LCE1C: variants seen among roughly 807,000 people sequenced by gnomAD.
LCE1C encodes late cornified envelope protein 1C.
LCE1C carries 1 observed loss-of-function variant against 0.7 expected under a neutral mutation model. That is an observed-to-expected ratio of 1.44 (90% CI 0.51 to 6.83). The LOEUF (loss-of-function observed/expected upper bound fraction) is 6.83. Ranked by LOEUF, LCE1C falls within the 30% of genes most tolerant of loss-of-function variation. LCE1C has a pLI of 0.14. For missense variants in LCE1C, 136 were observed against 149.6 expected (o/e 0.91, Z 0.48); for synonymous variants, 72 against 57.9 (o/e 1.24, Z -1.10).
At chr1:152,805,713 G>A (rs1462989845) in intron 1 of LCE1C, among the ~76,000 whole-genome samples, 1 of 152,122 alleles carries the variant, frequency 6.6e-6, no homozygotes, top group Non-Finnish European at 1.5e-5. Context: ...AGACAGTCAA[G>A]AATTACTATA....
chr1:152,804,950 G>A lies in LCE1C; in HGVS notation c.*172C>T. ...AGGTGAGGTCCAAGGCCAGTGAATG[G>A]AGATCCAGGAGAGGATCTGAGTTTC... is the stretch of plus-strand genomic sequence containing the variant. On this transcript the variant is annotated 3_prime_UTR_variant, in exon 2 of 2. Coordinates refer to ENST00000607093, the MANE Select transcript of LCE1C (RefSeq NM_178351.4). The A allele has an allele frequency of 2.4e-6, 2 of 820,170 alleles. No homozygotes were observed. Among genetic ancestry groups the A allele is most frequent in the Non-Finnish European group, 3.9e-6 (2 of 509,526 alleles). The allele number at this position is 820,170 out of a possible 1,614,324, so 50.8% of individuals were successfully genotyped here.
At chr1:152,806,039 A>G (rs1282670168) in intron 1 of LCE1C, among the ~76,000 whole-genome samples, 2 of 152,178 alleles carry the variant, frequency 1.3e-5, no homozygotes, top group Non-Finnish European at 2.9e-5. Flanking sequence ...TTTTTGGTGC[A>G]TAGAGGGGAT....
Position 152,804,912 on chromosome 1 carries a change from AG to A in LCE1C, c.*209del. On this transcript the variant is annotated 3_prime_UTR_variant, in exon 2 of 2. Transcript: ENST00000607093. ...GCTAGGGGCTTAGACAGAGCGTGGG[AG>A]GGTAGCCACAAAGGTGAGGTCCAAG... 1.6e-6 allele frequency: 1 copy of A among 637,586 alleles called. No homozygotes were observed. The highest frequency in any genetic ancestry group is 2.7e-6 in the Non-Finnish European group (1 of 365,294). The allele number at this position is 637,586 out of a possible 1,614,324, so 39.5% of individuals were successfully genotyped here.
chr1:152,805,368 G>C lies in LCE1C; in HGVS notation c.111C>G (p.Cys37Trp), dbSNP rs760599633. 5 of 1,613,668 alleles carry C rather than the reference G, an allele frequency of 3.1e-6. No individual in the cohort carries two copies. Among genetic ancestry groups the C allele is most frequent in the Middle Eastern group, 1.7e-4 (1 of 6,056 alleles). ...PKCPPKCPPK[C>W]PPVSSCCSVS... is the part of the protein sequence containing the mutation. The stretch of plus-strand genomic sequence containing the variant: ...CACTGCAGCAGGAAGAGACAGGAGG[G>C]CACTTAGGGGGACACTTTGGGGGAC... Residue 37 changes from cysteine (C) to tryptophan (W), a missense_variant, in exon 2 of 2, where the codon TGC (cysteine) becomes TGG (tryptophan). Transcript: ENST00000607093.
intron 1 of LCE1C, 36 bp from the exon 2 acceptor site, chr1:152,805,534 A>T: frequency 6.8e-7 from 1 of 1,477,270 alleles, no homozygotes; most frequent in Non-Finnish European, 9.4e-7. Flanking sequence ...AGACCTAGGC[A>T]GAGGCCACCC....
Position 152,805,175 on chromosome 1 carries a change from C to A in LCE1C, c.304G>T (p.Gly102Cys). Residue 102 changes from glycine to cysteine, a missense_variant, in exon 2 of 2, where the codon GGC (glycine) becomes TGC (cysteine). Gly to Cys is a radical substitution (Grantham distance 159, BLOSUM62 -3). Transcript: ENST00000607093. ...SSGCCSQPSG[G>C]SSCCGGGSGQ... The stretch of plus-strand genomic sequence containing the variant: ...CTCCCCCCGCCACAGCAGCTGGAGC[C>A]CCCCGAGGGCTGGCTGCAGCAGCCA... The A allele has an allele frequency of 6.2e-7, 1 of 1,613,124 alleles. No homozygotes were observed. The highest frequency in any genetic ancestry group is 8.5e-7 in the Non-Finnish European group (1 of 1,179,616).
At position 152,805,319 on chromosome 1, in the gene LCE1C, A is replaced by G; in HGVS notation, c.160T>C (p.Ser54Pro). The G allele has an allele frequency of 6.2e-7, 1 of 1,613,962 alleles. No individual in the cohort carries two copies. The highest frequency in any genetic ancestry group is 1.1e-5 in the South Asian group (1 of 91,068). ...CSVSSGGCCG[S>P]SSGGSCGSSS... is the part of the protein sequence containing the mutation. ...GAGCCACAGCTGCCCCCAGAGCTGG[A>G]GCCACAGCAGCCTCCGGAGCTGACA... is the stretch of plus-strand genomic sequence containing the variant. The change falls in exon 2 of 2, where the codon TCC becomes CCC. Residue 54 changes from serine to proline, a missense_variant. Ser to Pro is a moderately conservative substitution (Grantham distance 74, BLOSUM62 -1). Coordinates refer to ENST00000607093, the MANE Select transcript of LCE1C (RefSeq NM_178351.4).
rs1052360232 is a variant in LCE1C at position 152,805,035 on chromosome 1, G to T, written c.*87C>A. ...TCAGAGCTTTCCCTTGGACCTGTGA[G>T]CCTCTCAGGCAGGCCTAGTAGGAGA... On this transcript the variant is annotated 3_prime_UTR_variant, in exon 2 of 2. Coordinates refer to ENST00000607093, the MANE Select transcript of LCE1C (RefSeq NM_178351.4). 4 of 1,455,228 alleles carry T rather than the reference G, an allele frequency of 2.7e-6. No homozygotes were observed. The highest frequency in any genetic ancestry group is 2.3e-5 in the Admixed American group (1 of 44,086). 90.1% of individuals were successfully genotyped at this position (1,455,228 alleles called of 1,614,324 possible). A position where few individuals can be genotyped will look rare whatever the true frequency, so the allele number is the denominator to read the frequency against.
In LCE1C at chr1:152,805,066, G is replaced by T. The variant is rs201054908; in HGVS notation, c.*56C>A. ...CAGGCAGGCCTAGTAGGAGAAGGGG[G>T]ATGTCCTTGGCAGTTTGCGGTCCTG... On this transcript the variant is annotated 3_prime_UTR_variant, in exon 2 of 2. Transcript: ENST00000607093. The T allele has an allele frequency of 1.0e-4, 157 of 1,523,078 alleles. No individual in the cohort carries two copies. Among genetic ancestry groups the T allele is most frequent in the Non-Finnish European group, 1.3e-4 (151 of 1,135,692 alleles). The allele number at this position is 1,523,078 out of a possible 1,614,324, so 94.3% of individuals were successfully genotyped here.
Position 152,805,602 on chromosome 1 carries a change from C to A in LCE1C, c.-20-104G>T, listed in dbSNP as rs530137473. On this transcript the variant is annotated intron_variant, in intron 1 of 1. Transcript: ENST00000607093. ...ATTTCCTTTATTTTGATGAACTGTT[C>A]AAATGTCATGGTAAATCATTAATCA... 51 of 885,634 alleles carry A rather than the reference C, an allele frequency of 5.8e-5. No individual in the cohort carries two copies. In the African/African-American group the frequency reaches 8.4e-4, roughly 15 times the overall value. The allele number at this position is 885,634 out of a possible 1,614,324, so 54.9% of individuals were successfully genotyped here.
intron 1 of LCE1C, among the ~76,000 whole-genome samples, chr1:152,806,223 T>A (rs1018997655): frequency 6.6e-6 from 1 of 152,150 alleles, no homozygotes; most frequent in African/African-American, 2.4e-5. Flanking sequence ...CCCTAAAAGA[T>A]CCATTAATTA....
rs1652290024 is a variant in LCE1C, at chr1:152,805,096, C to T, written c.*26G>A. 1 of 1,558,102 alleles carries T rather than the reference C, an allele frequency of 6.4e-7. No individual in the cohort carries two copies. Among genetic ancestry groups the T allele is most frequent in the Non-Finnish European group, 8.7e-7 (1 of 1,154,610 alleles). ...CCTTGGCAGTTTGCGGTCCTGGATT[C>T]TGCTCTTCTAGGCTCAGGGTCCACT... On this transcript the variant is annotated 3_prime_UTR_variant, in exon 2 of 2. Coordinates refer to ENST00000607093, the MANE Select transcript of LCE1C (RefSeq NM_178351.4).
In LCE1C at chr1:152,805,234, C is replaced by A; in HGVS notation, c.245G>T (p.Arg82Leu). ...GGGCCLSHHRRRRSHCHRPQS... is the reference protein window; with the variant it reads ...GGGCCLSHHRLRRSHCHRPQS... The stretch of plus-strand genomic sequence containing the variant: ...GGGTCTGTGGCAGTGGGACCTACGG[C>A]GCCTGTGGTGGCTCAGGCAGCAGCC... The change falls in exon 2 of 2, where the codon CGC (arginine) becomes CTC (leucine). Residue 82 changes from arginine (R) to leucine (L), a missense_variant. Transcript: ENST00000607093. 1.2e-6 allele frequency: 2 copies of A among 1,613,780 alleles called. No individual in the cohort carries two copies. The highest frequency in any genetic ancestry group is 1.7e-6 in the Non-Finnish European group (2 of 1,180,010).
In LCE1C at chr1:152,805,128, G is replaced by T. The variant is rs201538693; in HGVS notation, c.351C>A (p.Cys117Ter). Residue 117 changes from cysteine (C) to a stop codon, truncating the protein, a stop_gained, in exon 2 of 2, where the codon TGC (cysteine) becomes TGA (stop). Transcript: ENST00000607093. LOFTEE classifies it high-confidence loss of function. ...TCTAGGCTCAGGGTCCACTTCAGCA[G>T]CAGCCTCCAGAGTGCTGGCCACTCC... Reference protein sequence around the residue: ...GGGSGQHSGGCC With the variant: ...GGGSGQHSGG The T allele has an allele frequency of 2.4e-5, 39 of 1,595,138 alleles. No homozygotes were observed. Among genetic ancestry groups the T allele is most frequent in the Non-Finnish European group, 5.1e-6 (6 of 1,170,910 alleles).
Position 152,805,264 on chromosome 1 carries a change from C to T in LCE1C, c.215G>A (p.Gly72Glu), listed in dbSNP as rs1250687086. ...SSSGGCCSSG[G>E]GGCCLSHHRR... Reference sequence around the variant, plus strand: ...GTGGTGGCTCAGGCAGCAGCCACCTCCCCCAGAACTGCAGCATCCCCCAGA... The same window carrying T: ...GTGGTGGCTCAGGCAGCAGCCACCTTCCCCAGAACTGCAGCATCCCCCAGA... The change falls in exon 2 of 2, where the codon GGA (glycine) becomes GAA (glutamate). Residue 72 changes from glycine (G) to glutamate (E), a missense_variant. Transcript: ENST00000607093. 5 of 1,613,932 alleles carry T rather than the reference C, an allele frequency of 3.1e-6. No homozygotes were observed. Among genetic ancestry groups the T allele is most frequent in the Non-Finnish European group, 3.4e-6 (4 of 1,179,984 alleles).
rs942788604 is a variant in LCE1C at position 152,805,015 on chromosome 1, G to A, written c.*107C>T. ...AAGATATGCTCTTGGCAAGTTCAGA[G>A]CTTTCCCTTGGACCTGTGAGCCTCT... On this transcript the variant is annotated 3_prime_UTR_variant, in exon 2 of 2. Coordinates refer to ENST00000607093, the MANE Select transcript of LCE1C (RefSeq NM_178351.4). The A allele has an allele frequency of 1.5e-6, 2 of 1,354,748 alleles. No homozygotes were observed. Among genetic ancestry groups the A allele is most frequent in the Non-Finnish European group, 2.0e-6 (2 of 988,044 alleles). 83.9% of individuals were successfully genotyped at this position (1,354,748 alleles called of 1,614,324 possible).
rs1052019392 is a variant in LCE1C at position 152,805,441 on chromosome 1, G to A, written c.38C>T (p.Pro13Leu). 6.8e-6 allele frequency: 11 copies of A among 1,613,944 alleles called. No homozygotes were observed. Among genetic ancestry groups the A allele is most frequent in the Admixed American group, 3.3e-5 (2 of 59,996 alleles). ...AGGGCACTTGGGGGTGCACTTGGGA[G>A]GGGGCTGGCACTGCTGCTGGCTCTG... ...CQQSQQQCQP[P>L]PKCTPKCPPK... The change falls in exon 2 of 2, where the codon CCT becomes CTT. Residue 13 changes from proline (P) to leucine (L), a missense_variant. Transcript: ENST00000607093.
At position 152,805,221 on chromosome 1, in the gene LCE1C, G is replaced by C. The variant is rs1172666833; in HGVS notation, c.258C>G (p.His86Gln). The part of the protein sequence containing the change: ...CLSHHRRRRS[H>Q]CHRPQSSGCC... ...AGCCAGAGCTCTGGGGTCTGTGGCAGTGGGACCTACGGCGCCTGTGGTGGC... is the reference window on the plus strand; with the variant it reads ...AGCCAGAGCTCTGGGGTCTGTGGCACTGGGACCTACGGCGCCTGTGGTGGC... Residue 86 changes from histidine (H) to glutamine (Q), a missense_variant, in exon 2 of 2, where the codon CAC becomes CAG. Coordinates refer to ENST00000607093, the MANE Select transcript of LCE1C (RefSeq NM_178351.4). 2 of 1,613,848 alleles carry C rather than the reference G, an allele frequency of 1.2e-6. No individual in the cohort carries two copies. Among genetic ancestry groups the C allele is most frequent in the South Asian group, 1.1e-5 (1 of 91,054 alleles).
In LCE1C at chr1:152,805,045, C is replaced by T; in HGVS notation, c.*77G>A. ...CCCTTGGACCTGTGAGCCTCTCAGGCAGGCCTAGTAGGAGAAGGGGGATGT... is the reference window on the plus strand; with the variant it reads ...CCCTTGGACCTGTGAGCCTCTCAGGTAGGCCTAGTAGGAGAAGGGGGATGT... On this transcript the variant is annotated 3_prime_UTR_variant, in exon 2 of 2. Coordinates refer to ENST00000607093, the MANE Select transcript of LCE1C (RefSeq NM_178351.4). 6.7e-7 allele frequency: 1 copy of T among 1,489,702 alleles called. No individual in the cohort carries two copies. Among genetic ancestry groups the T allele is most frequent in the Non-Finnish European group, 9.0e-7 (1 of 1,109,758 alleles). 92.3% of individuals were successfully genotyped at this position (1,489,702 alleles called of 1,614,324 possible).
Sources: gnomAD v4.1 joint callset for allele counts (sites outside exome capture counted in the v4.1 genomes callset) on GRCh38, gnomAD v4.1.1 for gene constraint, MANE v1.5 for transcripts, NCBI Gene and HGNC (gene_info 2026-07-23, HGNC 2026-07-21) for gene names.